The following COL13A1 variants were observed in gnomAD, a reference collection of about 807,000 sequenced individuals.
COL13A1 encodes collagen alpha-1(XIII) chain.
In COL13A1, 89 loss-of-function variants were observed where a neutral mutation model predicts 130.9. That is an observed-to-expected ratio of 0.68 (90% CI 0.57 to 0.81). The LOEUF is 0.81. Among genes scored for constraint, COL13A1 ranks in the 30% least tolerant of loss-of-function variants. The probability of loss-of-function intolerance (pLI) is 0.00; values close to 1 mark genes in which losing one functional copy is unlikely to be tolerated. For synonymous variants in COL13A1, 402 were observed against 341.6 expected, an observed-to-expected ratio of 1.18 and a Z score of -1.95; for missense variants, 879 against 934.6, an observed-to-expected ratio of 0.94 and a Z score of 0.78.
At chr10:69,904,485 A>G (rs2062529347) in intron 15 of COL13A1, among the ~76,000 whole-genome samples, 1 of 152,124 alleles carries the variant, frequency 6.6e-6, no homozygotes, top group Admixed American at 6.5e-5. Flanking sequence ...GCCAGCTGCC[A>G]TGCCCACAGC....
intron 17 of COL13A1, among the ~76,000 whole-genome samples, chr10:69,908,492 G>C (rs2063025752): frequency 6.6e-6 from 1 of 152,182 alleles, no homozygotes; most frequent in Admixed American, 6.5e-5. Context: ...GGGCAGCAGA[G>C]GGTCTCCAGG....
chr10:69,923,683 T>C, intron 23 of COL13A1, 119 bp from the exon 24 acceptor site: 1 of 1,307,848 alleles, frequency 7.6e-7, no homozygotes, highest in Admixed American at 2.1e-5. Context: ...GCAGAAGCCA[T>C]CAGGGAAAGA....
chr10:69,897,513 C>T lies in COL13A1; in HGVS notation c.685-1184C>T. ...GCATGCCAGCAGCTCTGCGCTCCAGCCAAATAATTGCCCTGAAGGTTTGTA... is the reference window on the plus strand; with the variant it reads ...GCATGCCAGCAGCTCTGCGCTCCAGTCAAATAATTGCCCTGAAGGTTTGTA... On this transcript the variant is annotated intron_variant, in intron 13 of 40. Coordinates refer to ENST00000645393, the MANE Select transcript of COL13A1 (RefSeq NM_001368882.1). 2.5e-6 allele frequency: 4 copies of T among 1,613,954 alleles called. No homozygotes were observed. In the East Asian group the frequency reaches 8.9e-5, roughly 36 times the overall value.
At chr10:69,828,150 C>T (rs1847952505) in intron 2 of COL13A1, among the ~76,000 whole-genome samples, 1 of 152,162 alleles carries the variant, frequency 6.6e-6, no homozygotes. Flanking sequence ...AGCAGATCCC[C>T]TGGGGCCAGC....
intron 2 of COL13A1, among the ~76,000 whole-genome samples, chr10:69,857,841 G>A (rs1856854848): frequency 6.6e-6 from 1 of 152,210 alleles, no homozygotes; most frequent in South Asian, 2.1e-4. Context: ...TGGTTGGCTG[G>A]GCGCGGTGGC....
intron 8 of COL13A1, 129 bp downstream of exon 8, chr10:69,887,620 C>A: frequency 1.0e-6 from 1 of 967,282 alleles, no homozygotes; most frequent in South Asian, 1.5e-5. Context: ...GGACTTGCTT[C>A]TACAGCCATT....
chr10:69,886,698 C>A (rs1011995701), intron 7 of COL13A1, among the ~76,000 whole-genome samples: 1 of 152,186 alleles, frequency 6.6e-6, no homozygotes, highest in African/African-American at 2.4e-5. Context: ...CCTGGCCATC[C>A]CTCCTCAGCC....
chr10:69,809,771 GA>G (rs1209335963), intron 1 of COL13A1, among the ~76,000 whole-genome samples: 13 of 152,248 alleles, frequency 8.5e-5, no homozygotes, highest in African/African-American at 3.1e-4. Context: ...TTTGTTGTAA[GA>G]AAGACATTAT....
At chr10:69,929,922 A>G (rs1413967478) in intron 28 of COL13A1, 121 bp from the exon 29 acceptor site, 2 of 825,432 alleles carry the variant, frequency 2.4e-6, no homozygotes, top group Middle Eastern at 4.5e-4. Flanking sequence ...CACAGTTAGA[A>G]TTAAATGAGC....
At chr10:69,866,846 T>C (rs1413542204) in intron 2 of COL13A1, among the ~76,000 whole-genome samples, 2 of 152,108 alleles carry the variant, frequency 1.3e-5, no homozygotes, top group Non-Finnish European at 2.9e-5. Context: ...GGAGCCTTTA[T>C]TGGCCGAGCA....
At chr10:69,840,481 G>C (rs1011634025) in intron 2 of COL13A1, among the ~76,000 whole-genome samples, 1 of 152,202 alleles carries the variant, frequency 6.6e-6, no homozygotes, top group Non-Finnish European at 1.5e-5. Flanking sequence ...CCTGGCTGAG[G>C]GGGGCCCTCT....
chr10:69,933,845 C>T (rs890540149), intron 31 of COL13A1, among the ~76,000 whole-genome samples: 1 of 152,164 alleles, frequency 6.6e-6, no homozygotes, highest in African/African-American at 2.4e-5. Context: ...CTGAGCACTT[C>T]CCTCGTGCCA....
At chr10:69,878,927 C>A (rs2059877259) in intron 6 of COL13A1, among the ~76,000 whole-genome samples, 1 of 152,258 alleles carries the variant, frequency 6.6e-6, no homozygotes, top group Admixed American at 6.5e-5. Context: ...CTCTGTACTT[C>A]CCTGTCTGTA....
intron 2 of COL13A1, among the ~76,000 whole-genome samples, chr10:69,857,953 T>TA (rs1218953071): frequency 2.0e-5 from 3 of 151,746 alleles, no homozygotes; most frequent in African/African-American, 7.3e-5. Context: ...CTGTCTCTAC[T>TA]AAAAATACAA....
At chr10:69,891,171 A>G (rs755098962) in intron 10 of COL13A1, among the ~76,000 whole-genome samples, 29 of 152,234 alleles carry the variant, frequency 1.9e-4, no homozygotes, top group Non-Finnish European at 3.8e-4. Flanking sequence ...ATCCTTTTAA[A>G]TGATCACTCA....
Position 69,853,114 on chromosome 10 carries a change from G to T in COL13A1, c.365-14684G>T, listed in dbSNP as rs1390810639. On this transcript the variant is annotated intron_variant, in intron 2 of 40. Coordinates refer to ENST00000645393, the MANE Select transcript of COL13A1 (RefSeq NM_001368882.1). ...GATAACACAGCCTGGTCTCCCCAGG[G>T]TGCCCCTGCCCCCTCTAAAAAGCAT... Among the ~76,000 whole-genome samples the T allele has an allele frequency of 7.9e-5, 12 of 152,178 alleles. No homozygotes were observed. In the East Asian group the frequency reaches 2.3e-3, roughly 29 times the overall value.
chr10:69,858,906 T>G (rs1185357428), intron 2 of COL13A1, among the ~76,000 whole-genome samples: 2 of 152,190 alleles, frequency 1.3e-5, no homozygotes, highest in African/African-American at 4.8e-5. Flanking sequence ...ATTGGACAAA[T>G]TACTTAACTT....
chr10:69,941,050 C>T (rs568761929), intron 35 of COL13A1, 27 bp downstream of exon 35: 2 of 1,613,770 alleles, frequency 1.2e-6, no homozygotes, highest in East Asian at 4.5e-5. Context: ...CATCACCCCT[C>T]ACCCCACTCC....
chr10:69,848,472 C>T (rs1853758679), intron 2 of COL13A1, among the ~76,000 whole-genome samples: 1 of 152,174 alleles, frequency 6.6e-6, no homozygotes. Flanking sequence ...GGCTCTGGAG[C>T]TATTAAGAGT....
Sources: allele counts gnomAD v4.1 joint callset (sites outside exome capture counted in the v4.1 genomes callset), GRCh38; gene constraint gnomAD v4.1.1; transcripts MANE v1.5; gene names NCBI Gene and HGNC (gene_info 2026-07-23, HGNC 2026-07-21).